The following ACSL3 variants were observed in gnomAD, a reference collection of about 807,000 sequenced individuals.
ACSL3 encodes fatty acid CoA ligase Acsl3.
A neutral mutation model predicts 84.7 loss-of-function variants in ACSL3; 34 were observed. The observed-to-expected ratio is 0.40, with a 90% CI of 0.31 to 0.53. The LOEUF is 0.53. ACSL3 is among the 20% of genes least tolerant of loss of function. The probability of loss-of-function intolerance (pLI) is 0.48; values close to 1 mark genes in which losing one functional copy is unlikely to be tolerated. For synonymous variants in ACSL3, 315 were observed against 299.4 expected, an observed-to-expected ratio of 1.05 and a Z score of -0.54; for missense variants, 680 against 873.1, an observed-to-expected ratio of 0.78 and a Z score of 2.79.
chr2:222,892,257 C>CAA lies in ACSL3; in HGVS notation c.-148+4369_-148+4370insAA, dbSNP rs1482244255. 3.9e-5 allele frequency among the ~76,000 whole-genome samples: 6 copies of CAA among 152,264 alleles called. No individual in the cohort carries two copies. In the South Asian group the frequency reaches 1.2e-3, roughly 32 times the overall value. On this transcript the variant is annotated intron_variant, in intron 2 of 16. Transcript: ENST00000357430. ...GTAAGAATTTAAAACAACTGTCCTA[C>CAA]TTTTAGGTCTGCTTTTTTTCGGGAG...
rs549243825 is a variant in ACSL3, at chr2:222,935,396, T to A, written c.2005+709T>A. On this transcript the variant is annotated intron_variant, in intron 16 of 16. Coordinates refer to ENST00000357430, the MANE Select transcript of ACSL3 (RefSeq NM_004457.5). ...TTGTTGTTTTGTTTTGTTGTTGAGA[T>A]GAGGCCTCACTATGTTGGCCAGGCC... 1.5e-3 allele frequency among the ~76,000 whole-genome samples: 225 copies of A among 152,240 alleles called. 1 individual carries two copies. Among genetic ancestry groups the A allele is most frequent in the Middle Eastern group, 0.014 (4 of 294 alleles).
At chr2:222,931,689 T>C (rs1437969556) in intron 14 of ACSL3, among the ~76,000 whole-genome samples, 1 of 152,148 alleles carries the variant, frequency 6.6e-6, no homozygotes, top group African/African-American at 2.4e-5. Flanking sequence ...ACCATGTAAT[T>C]ACTAAACATG....
At position 222,927,145 on chromosome 2, in the gene ACSL3, G is replaced by A; in HGVS notation, c.1421G>A (p.Gly474Glu). 1 of 1,614,154 alleles carries A rather than the reference G, an allele frequency of 6.2e-7. No homozygotes were observed. The highest frequency in any genetic ancestry group is 8.5e-7 in the Non-Finnish European group (1 of 1,179,988). ...NICFCCPVGQ[G>E]YGLTESAGAG... ...TGTTTCTGCTGTCCTGTTGGTCAGGGATACGGGCTCACTGAATCTGCTGGG... is the reference window on the plus strand; with the variant it reads ...TGTTTCTGCTGTCCTGTTGGTCAGGAATACGGGCTCACTGAATCTGCTGGG... Residue 474 changes from glycine (G) to glutamate (E), a missense_variant, in exon 12 of 17, where the codon GGA becomes GAA. Physicochemically the swap from Gly to Glu is moderately conservative, Grantham distance 98. This residue lies in a region of ACSL3 where 347 missense variants were observed against 525.7 expected (regional missense o/e 0.66). Coordinates refer to ENST00000357430, the MANE Select transcript of ACSL3 (RefSeq NM_004457.5).
chr2:222,869,147 GTA>G (rs2106082458), intron 1 of ACSL3, among the ~76,000 whole-genome samples: 1 of 152,170 alleles, frequency 6.6e-6, no homozygotes, highest in Non-Finnish European at 1.5e-5. Flanking sequence ...GTGTTTCTAA[GTA>G]TATTATCCTA....
At chr2:222,928,594 G>C (rs1439069139) in intron 12 of ACSL3, among the ~76,000 whole-genome samples, 1 of 151,546 alleles carries the variant, frequency 6.6e-6, no homozygotes, top group African/African-American at 2.4e-5. Flanking sequence ...ATTGTTGCTG[G>C]CGATTCCACA....
At chr2:222,861,770 T>A (rs1467704900) in intron 1 of ACSL3, 1 of 152,302 alleles carries the variant, frequency 6.6e-6, no homozygotes, top group Non-Finnish European at 1.5e-5. Flanking sequence ...ACCTTGGTGA[T>A]TGGTTCTGGG....
At chr2:222,940,823 A>G (rs1221274937) in intron 16 of ACSL3, among the ~76,000 whole-genome samples, 1 of 152,100 alleles carries the variant, frequency 6.6e-6, no homozygotes, top group Non-Finnish European at 1.5e-5. Flanking sequence ...TGTGTGATGC[A>G]TTTCTCAGAA....
chr2:222,902,946 A>T (rs1696187894), intron 3 of ACSL3, among the ~76,000 whole-genome samples: 1 of 152,222 alleles, frequency 6.6e-6, no homozygotes, highest in South Asian at 2.1e-4. Context: ...TTTAGGCTTG[A>T]AGGTGAGGTT....
In ACSL3 at chr2:222,875,993, A is replaced by G. The variant is rs183994840; in HGVS notation, c.-206-11837A>G. 4.5e-4 allele frequency among the ~76,000 whole-genome samples: 68 copies of G among 152,368 alleles called. 1 individual carries two copies. Among genetic ancestry groups the G allele is most frequent in the South Asian group, 2.1e-4 (1 of 4,834 alleles). ...GAGTGTTTACCTCGTTGAAGTAGAT[A>G]GAAAGTAAAACAGTAAACATACAAT... On this transcript the variant is annotated intron_variant, in intron 1 of 16. Transcript: ENST00000357430.
At chr2:222,880,176 C>T (rs530310552) in intron 1 of ACSL3, among the ~76,000 whole-genome samples, 18 of 152,236 alleles carry the variant, frequency 1.2e-4, no homozygotes, top group Middle Eastern at 3.4e-3. Flanking sequence ...GGCAAATATG[C>T]ATTAAATATG....
In ACSL3 at chr2:222,899,787, TAAG is replaced by T. The variant is rs568174008; in HGVS notation, c.-147-885_-147-883del. 1.4e-4 allele frequency among the ~76,000 whole-genome samples: 21 copies of T among 152,356 alleles called. No homozygotes were observed. In the East Asian group the frequency reaches 3.9e-3, roughly 28 times the overall value. ...GGAATAATTTTCTTAATTACTATAT[TAAG>T]ATAACATTGCAAAAATCAATGTTAT... On this transcript the variant is annotated intron_variant, in intron 2 of 16. Transcript: ENST00000357430.
At chr2:222,862,517 T>C (rs1695039863) in intron 1 of ACSL3, among the ~76,000 whole-genome samples, 1 of 118,280 alleles carries the variant, frequency 8.5e-6, no homozygotes, top group African/African-American at 3.2e-5. Flanking sequence ...TTAAGGGTGC[T>C]GATGAGTTGC....
chr2:222,931,305 T>C (rs182347782), intron 14 of ACSL3, among the ~76,000 whole-genome samples: 110 of 152,036 alleles, frequency 7.2e-4, no homozygotes, highest in South Asian at 2.1e-3. Flanking sequence ...TCCCAGCTAC[T>C]TGGGAGGCCG....
intron 1 of ACSL3, among the ~76,000 whole-genome samples, chr2:222,867,655 G>C (rs1695187188): frequency 6.6e-6 from 1 of 152,168 alleles, no homozygotes; most frequent in Non-Finnish European, 1.5e-5. Flanking sequence ...TGACAAGTTA[G>C]TACATTTTAG....
rs1225801240 is a variant in ACSL3 at position 222,927,106 on chromosome 2, G to A, written c.1382G>A (p.Arg461Gln). ...GGAPLSATTQRFMNICFCCPV... is the reference protein window; with the variant it reads ...GGAPLSATTQQFMNICFCCPV... The stretch of plus-strand genomic sequence containing the variant: ...GCTCCACTTTCTGCAACCACGCAGC[G>A]ATTCATGAACATCTGTTTCTGCTGT... Residue 461 changes from arginine (R) to glutamine (Q), a missense_variant, in exon 12 of 17, where the codon CGA becomes CAA. By Grantham distance (43) the Arg-to-Gln change is conservative. This residue lies in a region of ACSL3 where 347 missense variants were observed against 525.7 expected (regional missense o/e 0.66). Coordinates refer to ENST00000357430, the MANE Select transcript of ACSL3 (RefSeq NM_004457.5). The A allele has an allele frequency of 5.0e-6, 8 of 1,614,076 alleles. No individual in the cohort carries two copies. Among genetic ancestry groups the A allele is most frequent in the African/African-American group, 1.3e-5 (1 of 75,002 alleles).
Position 222,934,685 on chromosome 2 carries a change from CAGGTGAG to C in ACSL3, c.2004_2005+5del. ...AAAGTGCTTTCCGAAGCTGCTATTT[CAGGTGAG>C]TATTCGGTTAAACTGATACTAAAAA... is the stretch of plus-strand genomic sequence containing the variant. On this transcript the variant is annotated splice_donor_variant and splice_donor_5th_base_variant and coding_sequence_variant and intron_variant, in exon 16 of 17. Coordinates refer to ENST00000357430, the MANE Select transcript of ACSL3 (RefSeq NM_004457.5). LOFTEE classifies it high-confidence loss of function. The C allele has an allele frequency of 6.2e-7, 1 of 1,607,172 alleles. No homozygotes were observed. The highest frequency in any genetic ancestry group is 8.5e-7 in the Non-Finnish European group (1 of 1,177,810).
At chr2:222,934,776 T>G (rs905723353) in intron 16 of ACSL3, 89 bp downstream of exon 16, 1 of 1,369,018 alleles carries the variant, frequency 7.3e-7, no homozygotes, top group African/African-American at 1.5e-5. Flanking sequence ...TAGGGTTCAT[T>G]ACTTTCTGCT....
In ACSL3 at chr2:222,917,100, C is replaced by CT. The variant is rs557857412; in HGVS notation, c.556+612dup. ...GTAAATTCCTCCACCTTTTCTTTTT[C>CT]TTTTTTTTGAGATGGAGTCTCACTC... On this transcript the variant is annotated intron_variant, in intron 5 of 16. Coordinates refer to ENST00000357430, the MANE Select transcript of ACSL3 (RefSeq NM_004457.5). Among the ~76,000 whole-genome samples, 48 of 151,822 alleles carry CT rather than the reference C, an allele frequency of 3.2e-4. No homozygotes were observed. In the East Asian group the frequency reaches 6.0e-3, roughly 19 times the overall value.
At chr2:222,876,324 G>T (rs1396651548) in intron 1 of ACSL3, among the ~76,000 whole-genome samples, 1 of 151,864 alleles carries the variant, frequency 6.6e-6, no homozygotes, top group Non-Finnish European at 1.5e-5. Flanking sequence ...GTTGTTGTTT[G>T]TTTGTTTTTT....
Sources: allele counts gnomAD v4.1 joint callset (sites outside exome capture counted in the v4.1 genomes callset), GRCh38; gene constraint gnomAD v4.1.1; regional missense constraint gnomAD v4.1.1; transcripts MANE v1.5; gene names NCBI Gene and HGNC (gene_info 2026-07-23, HGNC 2026-07-21).